The following COLEC10 variants were observed in gnomAD, a reference collection of about 807,000 sequenced individuals.
The protein encoded by COLEC10 is collectin-10.
Under a neutral mutation model 28.4 loss-of-function variants are expected in COLEC10, and 22 were observed. That is an observed-to-expected ratio of 0.78 (90% CI 0.55 to 1.11). The LOEUF (loss-of-function observed/expected upper bound fraction) is 1.11, where lower values mean the gene tolerates loss of function less well. Among genes scored for constraint, COLEC10 ranks in the 50% least tolerant of loss-of-function variants. The pLI is 0.00. For missense variants in COLEC10, 361 were observed against 344.1 expected (o/e 1.05, Z -0.39); for synonymous variants, 125 against 116.1 (o/e 1.08, Z -0.49).
At chr8:118,976,924 CA>C in the COLEC10 span, among the ~76,000 whole-genome samples, 1 of 151,180 alleles carries the variant, frequency 6.6e-6, no homozygotes, top group African/African-American at 2.4e-5. Context: ...ACAACCCCAT[CA>C]AAAAGTGGGC....
intron 2 of COLEC10, among the ~76,000 whole-genome samples, chr8:119,015,250 G>A (rs1586275): frequency 0.051 from 7,753 of 150,674 alleles, 343 homozygotes; most frequent in South Asian, 0.14. Context: ...AGTAGGTCTC[G>A]GTCTTTTGAT....
At chr8:118,956,295 T>C in the COLEC10 span, among the ~76,000 whole-genome samples, 4 of 152,204 alleles carry the variant, frequency 2.6e-5, no homozygotes, top group Non-Finnish European at 5.9e-5. Flanking sequence ...ATTCAGTCCA[T>C]AACAAAATGA....
At chr8:119,066,307 A>G (rs1814955482), upstream of COLEC10, among the ~76,000 whole-genome samples, 1 of 152,130 alleles carries the variant, frequency 6.6e-6, no homozygotes, top group Admixed American at 6.5e-5. Flanking sequence ...CTATGCCCAT[A>G]CTATTTGTAC....
Position 119,107,287 on chromosome 8 carries a change from A to G in COLEC10, c.*1096A>G, listed in dbSNP as rs1188735612. ...GAGATGTCCCTTCTAATACTCTGGC[A>G]TCACAGAAATGTGTGAGGCACAGAA... On this transcript the variant is annotated 3_prime_UTR_variant, in exon 6 of 6. Transcript: ENST00000332843. Among the ~76,000 whole-genome samples, 1 of 152,188 alleles carries G rather than the reference A, an allele frequency of 6.6e-6. No individual in the cohort carries two copies. Among genetic ancestry groups the G allele is most frequent in the Non-Finnish European group, 1.5e-5 (1 of 68,028 alleles).
rs754086489 is a variant in COLEC10 at position 119,107,578 on chromosome 8, C to G, written c.*1387C>G. ...TAAACCATCTGTTCATGATTTCACC[C>G]GTGACTAACTGGTTATGAGATAGGA... On this transcript the variant is annotated 3_prime_UTR_variant, in exon 6 of 6. Transcript: ENST00000332843. 6.6e-6 allele frequency among the ~76,000 whole-genome samples: 1 copy of G among 152,088 alleles called. No homozygotes were observed. The highest frequency in any genetic ancestry group is 2.4e-5 in the African/African-American group (1 of 41,422).
chr8:119,070,471 CT>C (rs767170406), intron 1 of COLEC10, among the ~76,000 whole-genome samples: 98 of 134,018 alleles, frequency 7.3e-4, no homozygotes, highest in Non-Finnish European at 1.1e-3. Flanking sequence ...CTCTCTCTCT[CT>C]CTCTCCTTCC....
chr8:118,975,550 T>A, the COLEC10 span, among the ~76,000 whole-genome samples: 1 of 152,064 alleles, frequency 6.6e-6, no homozygotes, highest in African/African-American at 2.4e-5. Context: ...GACACTCTTT[T>A]AGGCCAATAG....
chr8:119,041,526 T>A (rs934498721), intron 2 of COLEC10, among the ~76,000 whole-genome samples: 2 of 152,196 alleles, frequency 1.3e-5, no homozygotes, highest in African/African-American at 4.8e-5. Flanking sequence ...CAAATTCTAG[T>A]CTTGGCCCTT....
chr8:119,049,602 G>C (rs889924086), intron 2 of COLEC10, among the ~76,000 whole-genome samples: 12 of 151,684 alleles, frequency 7.9e-5, no homozygotes, highest in African/African-American at 2.7e-4. Flanking sequence ...TTTTAGTAGA[G>C]ACGAGGTTTC....
the COLEC10 span, among the ~76,000 whole-genome samples, chr8:118,985,474 C>A: frequency 6.6e-6 from 1 of 151,820 alleles, no homozygotes; most frequent in Non-Finnish European, 1.5e-5. Flanking sequence ...TAAATCTTAC[C>A]TAGGGCAGTT....
intron 1 of COLEC10, among the ~76,000 whole-genome samples, chr8:119,006,083 T>A (rs1291381589): frequency 6.6e-6 from 1 of 152,070 alleles, no homozygotes; most frequent in Non-Finnish European, 1.5e-5. Flanking sequence ...CCTAAATCTT[T>A]GTGGAGTTCA....
chr8:118,974,899 T>G, the COLEC10 span, among the ~76,000 whole-genome samples: 2 of 152,032 alleles, frequency 1.3e-5, no homozygotes, highest in Non-Finnish European at 2.9e-5. Flanking sequence ...AGTTTATGGT[T>G]TGTTGCTGGG....
intron 2 of COLEC10, among the ~76,000 whole-genome samples, chr8:119,044,261 G>A (rs1814550615): frequency 6.6e-6 from 1 of 152,172 alleles, no homozygotes; most frequent in Admixed American, 6.5e-5. Context: ...TACTTGCCAA[G>A]AATCAGAAAA....
intron 2 of COLEC10, among the ~76,000 whole-genome samples, chr8:119,059,649 C>T (rs1055063998): frequency 6.6e-6 from 1 of 152,078 alleles, no homozygotes; most frequent in Middle Eastern, 3.2e-3. Flanking sequence ...GCTGATAAAA[C>T]TGCAATTCTC....
chr8:118,961,584 T>A, the COLEC10 span, among the ~76,000 whole-genome samples: 1 of 152,162 alleles, frequency 6.6e-6, no homozygotes, highest in Admixed American at 6.5e-5. Context: ...TTTGTTGATT[T>A]CTTGGCCTGC....
rs142383020 is a variant in COLEC10 at position 119,045,984 on chromosome 8, G to A, written n.235+36431G>A. On this transcript the variant is annotated intron_variant and non_coding_transcript_variant, in intron 2 of 6. Transcript: ENST00000521788. ...CACATACTATTTGCTGAAAATTTAC[G>A]GTAGATTGACTCATGCATCTTTGCA... 3.2e-3 allele frequency among the ~76,000 whole-genome samples: 484 copies of A among 152,224 alleles called. 16 individuals carry two copies. Among genetic ancestry groups the A allele is most frequent in the East Asian group, 6.9e-3 (36 of 5,180 alleles).
chr8:119,054,211 C>G (rs192921340), intron 2 of COLEC10, among the ~76,000 whole-genome samples: 2 of 152,034 alleles, frequency 1.3e-5, no homozygotes, highest in Non-Finnish European at 2.9e-5. Context: ...CATCATGCTA[C>G]TCAGATGGCA....
chr8:119,003,785 C>A (rs960097272), intron 1 of COLEC10, among the ~76,000 whole-genome samples: 1 of 152,042 alleles, frequency 6.6e-6, no homozygotes, highest in East Asian at 1.9e-4. Flanking sequence ...TTCCCAGATT[C>A]TCTTGATTTT....
chr8:118,989,615 C>T, the COLEC10 span, among the ~76,000 whole-genome samples: 1 of 147,602 alleles, frequency 6.8e-6, no homozygotes, highest in East Asian at 2.0e-4. Flanking sequence ...CTGCAGAATA[C>T]CAAAGACAAA....
Sources: gnomAD v4.1 joint callset for allele counts (sites outside exome capture counted in the v4.1 genomes callset) on GRCh38, gnomAD v4.1.1 for gene constraint, MANE v1.5 for transcripts, NCBI Gene and HGNC (gene_info 2026-07-23, HGNC 2026-07-21) for gene names.